Variants in RBM15 observed in about 807,000 individuals in gnomAD.
RBM15 encodes RNA-binding protein 15.
Under a neutral mutation model 62.6 loss-of-function variants are expected in RBM15, and 8 were observed. The ratio of observed to expected loss-of-function variants is 0.13; its 90% CI spans 0.07 to 0.23. RBM15 has a LOEUF of 0.23. Ranked by LOEUF, RBM15 falls within the 10% of genes least tolerant of loss-of-function variation. RBM15 has a pLI of 1.00. For missense variants in RBM15, 1,144 were observed against 1,286.5 expected (o/e 0.89, Z 1.69); for synonymous variants, 606 against 505.7 (o/e 1.20, Z -2.66).
intron 1 of RBM15, among the ~76,000 whole-genome samples, chr1:110,343,000 G>T (rs1424166406): frequency 1.3e-5 from 2 of 152,228 alleles, no homozygotes; most frequent in Non-Finnish European, 2.9e-5. Context: ...TATGCAAGAA[G>T]TGAGTAGGTG....
At position 110,341,224 on chromosome 1, in the gene RBM15, G is replaced by A; in HGVS notation, c.1819G>A (p.Ala607Thr). Residue 607 changes from alanine (A) to threonine (T), a missense_variant, in exon 1 of 3, where the codon GCT becomes ACT. This residue lies in a region of RBM15 where 360 missense variants were observed against 342.9 expected (regional missense o/e 1.05). Transcript: ENST00000369784. This position sits in a 1 kb window ranked among gnomAD's most constrained non-coding sequence, Gnocchi z 4.5. ...STRTAATSVP[A>T]YEPLDSLDRR... Reference sequence around the variant, plus strand: ...TCGGACTGCAGCTACTTCTGTGCCTGCTTACGAGCCACTGGATAGCCTAGA... The same window carrying A: ...TCGGACTGCAGCTACTTCTGTGCCTACTTACGAGCCACTGGATAGCCTAGA... 1 of 1,614,112 alleles carries A rather than the reference G, an allele frequency of 6.2e-7. No individual in the cohort carries two copies.
chr1:110,344,496 C>T (rs992073826), intron 1 of RBM15, among the ~76,000 whole-genome samples: 3 of 151,868 alleles, frequency 2.0e-5, no homozygotes, highest in Non-Finnish European at 4.4e-5. Flanking sequence ...CTGACATTGC[C>T]GCTTTTGTTA....
In RBM15 at chr1:110,341,180, C is replaced by A. The variant is rs773151139; in HGVS notation, c.1775C>A (p.Pro592Gln). Residue 592 changes from proline to glutamine, a missense_variant, in exon 1 of 3, where the codon CCA becomes CAA. Around this residue, in one of 8 missense-constraint regions of RBM15, gnomAD observed 360 missense variants for 342.9 expected, o/e 1.05. Transcript: ENST00000369784. The surrounding 1 kb of genome is among the most constrained non-coding windows in gnomAD (Gnocchi z 4.5). ...TCTGATTGGGTGCCACCCCCACCCC[C>A]AGTCCGAGAACGCAGCACTCGGACT... ...PDSDWVPPPP[P>Q]VRERSTRTAA... The A allele has an allele frequency of 3.7e-6, 6 of 1,614,112 alleles. No homozygotes were observed. Among genetic ancestry groups the A allele is most frequent in the Admixed American group, 1.7e-5 (1 of 60,028 alleles).
rs757672408 is a variant in RBM15 at position 110,341,229 on chromosome 1, C to T, written c.1824C>T (p.Tyr608=). Residue 608 remains tyrosine (Y), a synonymous_variant, in exon 1 of 3, where the codon TAC becomes TAT. Transcript: ENST00000369784. This position sits in a 1 kb window ranked among gnomAD's most constrained non-coding sequence, Gnocchi z 4.5. The part of the protein sequence containing the change: ...TRTAATSVPA[Y]EPLDSLDRRR... The stretch of plus-strand genomic sequence containing the variant: ...CTGCAGCTACTTCTGTGCCTGCTTA[C>T]GAGCCACTGGATAGCCTAGATCGCA... The T allele has an allele frequency of 2.0e-5, 32 of 1,613,882 alleles. No individual in the cohort carries two copies. The highest frequency in any genetic ancestry group is 1.6e-4 in the Middle Eastern group (1 of 6,062).
At chr1:110,346,045 A>G (rs1203999561) in intron 2 of RBM15, among the ~76,000 whole-genome samples, 3 of 152,180 alleles carry the variant, frequency 2.0e-5, no homozygotes, top group Non-Finnish European at 4.4e-5. Context: ...GAGTTAAAGG[A>G]TATTTTCAGT....
At chr1:110,342,729 G>A (rs1179727675) in intron 1 of RBM15, 1 of 157,734 alleles carries the variant, frequency 6.3e-6, no homozygotes, top group East Asian at 1.8e-4. Flanking sequence ...TCTTTTACCA[G>A]AAATGTGTGT....
At chr1:110,344,949 T>A (rs1660870879) in intron 1 of RBM15, among the ~76,000 whole-genome samples, 1 of 152,218 alleles carries the variant, frequency 6.6e-6, no homozygotes, top group South Asian at 2.1e-4. Context: ...AGATCACAGC[T>A]TCAAATTTTA....
chr1:110,342,105 A>G lies in RBM15; in HGVS notation c.2700A>G (p.Ala900=). 6.2e-7 allele frequency: 1 copy of G among 1,614,198 alleles called. No individual in the cohort carries two copies. The highest frequency in any genetic ancestry group is 2.2e-5 in the East Asian group (1 of 44,888). The change falls in exon 1 of 3, where the codon GCA becomes GCG. Residue 900 remains alanine (A), a synonymous_variant. Coordinates refer to ENST00000369784, the MANE Select transcript of RBM15 (RefSeq NM_022768.5). ...TGTCCTATTTAAAGCAAAAGCAGGC[A>G]GCCGGGGTGATCAGCCTCCCTGTGG... The part of the protein sequence containing the change: ...NLVSYLKQKQ[A]AGVISLPVGG...
In RBM15 at chr1:110,340,256, C is replaced by A. The variant is rs1429242637; in HGVS notation, c.851C>A (p.Pro284His). Reference sequence around the variant, plus strand: ...TCTGTAGGTGGTCACCGGCACCCCCCTGGAGGTGGTGGAGGCCAGAGATCA... The same window carrying A: ...TCTGTAGGTGGTCACCGGCACCCCCATGGAGGTGGTGGAGGCCAGAGATCA... ...GASVGGHRHP[P>H]GGGGGQRSLS... The change falls in exon 1 of 3, where the codon CCT (proline) becomes CAT (histidine). Residue 284 changes from proline (P) to histidine (H), a missense_variant. By Grantham distance (77) the Pro-to-His change is moderately conservative. Around this residue, in one of 8 missense-constraint regions of RBM15, gnomAD observed 188 missense variants for 185.6 expected, o/e 1.01. Coordinates refer to ENST00000369784, the MANE Select transcript of RBM15 (RefSeq NM_022768.5). The surrounding 1 kb of genome is among the most constrained non-coding windows in gnomAD (Gnocchi z 5.8). 6.2e-7 allele frequency: 1 copy of A among 1,614,100 alleles called. No homozygotes were observed. Among genetic ancestry groups the A allele is most frequent in the East Asian group, 2.2e-5 (1 of 44,900 alleles).
chr1:110,342,044 C>T lies in RBM15; in HGVS notation c.2639C>T (p.Thr880Ile), dbSNP rs1418083176. The part of the protein sequence containing the change: ...RSSSSSAASD[T>I]ATSTQRPLRN... The stretch of plus-strand genomic sequence containing the variant: ...TCCTCTTCCTCAGCTGCATCAGACA[C>T]TGCCACTTCTACTCAGAGGCCACTT... The change falls in exon 1 of 3, where the codon ACT (threonine) becomes ATT (isoleucine). Residue 880 changes from threonine to isoleucine, a missense_variant. This residue lies in a region of RBM15 where 144 missense variants were observed against 223.3 expected (regional missense o/e 0.64). Transcript: ENST00000369784. 3.1e-6 allele frequency: 5 copies of T among 1,614,260 alleles called. No individual in the cohort carries two copies. Among genetic ancestry groups the T allele is most frequent in the Admixed American group, 3.3e-5 (2 of 60,030 alleles).
In RBM15 at chr1:110,339,674, G is replaced by C; in HGVS notation, c.269G>C (p.Ser90Thr). Residue 90 changes from serine (S) to threonine (T), a missense_variant, in exon 1 of 3, where the codon AGC becomes ACC. Around this residue, in one of 8 missense-constraint regions of RBM15, gnomAD observed 298 missense variants for 250.0 expected, o/e 1.19. Transcript: ENST00000369784. ...GGGAGCAGCAGCGGAAAGACCGATA[G>C]CGGCGGTGGGTCGCGGCGGAGTCTC... ...SNGSSSGKTD[S>T]GGGSRRSLHL... 1 of 1,613,128 alleles carries C rather than the reference G, an allele frequency of 6.2e-7. No individual in the cohort carries two copies. The highest frequency in any genetic ancestry group is 8.5e-7 in the Non-Finnish European group (1 of 1,179,964).
rs1660773359 is a variant in RBM15, at chr1:110,340,495, A to T, written c.1090A>T (p.Ile364Phe). 8.7e-6 allele frequency: 14 copies of T among 1,613,528 alleles called. No homozygotes were observed. The highest frequency in any genetic ancestry group is 1.2e-5 in the Non-Finnish European group (14 of 1,179,870). Residue 364 changes from isoleucine to phenylalanine, a missense_variant, in exon 1 of 3, where the codon ATT becomes TTT. Coordinates refer to ENST00000369784, the MANE Select transcript of RBM15 (RefSeq NM_022768.5). This position sits in a 1 kb window ranked among gnomAD's most constrained non-coding sequence, Gnocchi z 5.8. ...GAAPFREVDEISPEDDQRANR... is the reference protein window; with the variant it reads ...GAAPFREVDEFSPEDDQRANR... ...TGCTCCTTTCAGAGAAGTGGATGAGATTTCACCCGAGGATGATCAGCGAGC... is the reference window on the plus strand; with the variant it reads ...TGCTCCTTTCAGAGAAGTGGATGAGTTTTCACCCGAGGATGATCAGCGAGC...
chr1:110,340,516 C>A lies in RBM15; in HGVS notation c.1111C>A (p.Arg371=). The A allele has an allele frequency of 6.2e-7, 1 of 1,613,876 alleles. No homozygotes were observed. The highest frequency in any genetic ancestry group is 8.5e-7 in the Non-Finnish European group (1 of 1,179,952). The change falls in exon 1 of 3, where the codon CGA becomes AGA. Residue 371 remains arginine (R), a synonymous_variant. Transcript: ENST00000369784. The surrounding 1 kb of genome is among the most constrained non-coding windows in gnomAD (Gnocchi z 5.8). ...VDEISPEDDQ[R]ANRTLFLGNL... ...TGAGATTTCACCCGAGGATGATCAG[C>A]GAGCTAACCGGACGCTCTTCTTGGG... is the stretch of plus-strand genomic sequence containing the variant.
rs751175647 is a variant in RBM15, at chr1:110,340,072, C to G, written c.667C>G (p.Arg223Gly). ...GDERVAFVNF[R>G]RPEDARAAKH... Reference sequence around the variant, plus strand: ...TGAGCGGGTAGCCTTTGTGAACTTCCGGCGGCCAGAGGACGCGCGGGCGGC... The same window carrying G: ...TGAGCGGGTAGCCTTTGTGAACTTCGGGCGGCCAGAGGACGCGCGGGCGGC... The change falls in exon 1 of 3, where the codon CGG (arginine) becomes GGG (glycine). Residue 223 changes from arginine to glycine, a missense_variant. By Grantham distance (125) the Arg-to-Gly change is moderately radical (BLOSUM62 -2). Coordinates refer to ENST00000369784, the MANE Select transcript of RBM15 (RefSeq NM_022768.5). The surrounding 1 kb of genome is among the most constrained non-coding windows in gnomAD (Gnocchi z 5.8). 1 of 1,613,980 alleles carries G rather than the reference C, an allele frequency of 6.2e-7. No individual in the cohort carries two copies. Among genetic ancestry groups the G allele is most frequent in the Non-Finnish European group, 8.5e-7 (1 of 1,180,016 alleles).
Position 110,339,735 on chromosome 1 carries a change from C to T in RBM15, c.330C>T (p.Arg110=), listed in dbSNP as rs1660746017. Residue 110 remains arginine (R), a synonymous_variant, in exon 1 of 3, where the codon CGC becomes CGT. Transcript: ENST00000369784. ...LDKSSSRGGS[R]EYDTGGGSSS... is the part of the protein sequence containing the mutation. ...AGTCCAGCAGTCGAGGTGGCAGCCG[C>T]GAGTATGATACCGGTGGGGGCAGCT... 2 of 1,612,696 alleles carry T rather than the reference C, an allele frequency of 1.2e-6. No individual in the cohort carries two copies. The highest frequency in any genetic ancestry group is 1.7e-6 in the Non-Finnish European group (2 of 1,179,758).
At position 110,341,502 on chromosome 1, in the gene RBM15, C is replaced by T. The variant is rs571042876; in HGVS notation, c.2097C>T (p.Pro699=). 9 of 1,614,130 alleles carry T rather than the reference C, an allele frequency of 5.6e-6. 2 individuals are homozygous for T. The Admixed American group carries it at 6.7e-5, about 12-fold the overall frequency. The change falls in exon 1 of 3, where the codon CCC becomes CCT. Residue 699 remains proline (P), a synonymous_variant. Coordinates refer to ENST00000369784, the MANE Select transcript of RBM15 (RefSeq NM_022768.5). This position sits in a 1 kb window ranked among gnomAD's most constrained non-coding sequence, Gnocchi z 4.5. ...DRSSRLLLER[P]SPIRDRRGSL... is the part of the protein sequence containing the mutation. ...CTTCCCGTCTTCTCTTGGAAAGGCCCTCTCCAATCAGAGACAGACGAGGTA... is the reference window on the plus strand; with the variant it reads ...CTTCCCGTCTTCTCTTGGAAAGGCCTTCTCCAATCAGAGACAGACGAGGTA...
rs1418319041 is a variant in RBM15 at position 110,341,937 on chromosome 1, A to G, written c.2532A>G (p.Glu844=). ...GTTTGGACCAGCCCAAGTTGGATGA[A>G]GTAACTCGACGCATCAAAGTAGCAG... ...RLRLDQPKLD[E]VTRRIKVAGP... is the part of the protein sequence containing the mutation. The change falls in exon 1 of 3, where the codon GAA becomes GAG. Residue 844 remains glutamate (E), a synonymous_variant. Coordinates refer to ENST00000369784, the MANE Select transcript of RBM15 (RefSeq NM_022768.5). This position sits in a 1 kb window ranked among gnomAD's most constrained non-coding sequence, Gnocchi z 4.5. 3 of 1,614,116 alleles carry G rather than the reference A, an allele frequency of 1.9e-6. No homozygotes were observed. Among genetic ancestry groups the G allele is most frequent in the Admixed American group, 1.7e-5 (1 of 60,008 alleles).
chr1:110,341,253 C>T lies in RBM15; in HGVS notation c.1848C>T (p.Arg616=). The change falls in exon 1 of 3, where the codon CGC becomes CGT. Residue 616 remains arginine (R), a synonymous_variant. Transcript: ENST00000369784. The surrounding 1 kb of genome is among the most constrained non-coding windows in gnomAD (Gnocchi z 4.5). ...PAYEPLDSLD[R]RRDGWSLDRD... ...ACGAGCCACTGGATAGCCTAGATCG[C>T]AGGCGGGATGGTTGGTCCTTGGACC... is the stretch of plus-strand genomic sequence containing the variant. 1 of 1,614,146 alleles carries T rather than the reference C, an allele frequency of 6.2e-7. No individual in the cohort carries two copies. The highest frequency in any genetic ancestry group is 1.1e-5 in the South Asian group (1 of 91,078).
rs1660895865 is a variant in RBM15, at chr1:110,346,289, T to C, written c.*41-19T>C. 2 of 1,597,714 alleles carry C rather than the reference T, an allele frequency of 1.3e-6. No homozygotes were observed. The highest frequency in any genetic ancestry group is 1.7e-6 in the Non-Finnish European group (2 of 1,179,346). ...TAAACATTTGTACTGAATAACCTTT[T>C]TTTCCCCCCCTCCGCAAGCAAAACT... On this transcript the variant is annotated intron_variant, in intron 2 of 2. Transcript: ENST00000369784.
Sources: gnomAD v4.1 joint callset for allele counts (sites outside exome capture counted in the v4.1 genomes callset) on GRCh38, gnomAD v4.1.1 for gene constraint, gnomAD v4.1.1 regional missense constraint, Gnocchi (gnomAD v3.1) non-coding constraint, MANE v1.5 for transcripts, NCBI Gene and HGNC (gene_info 2026-07-23, HGNC 2026-07-21) for gene names.